The following PLEKHH1 variants were observed in gnomAD, a reference collection of about 807,000 sequenced individuals.
PLEKHH1 encodes pleckstrin homology domain-containing family H member 1.
In PLEKHH1, 104 loss-of-function variants were observed where a neutral mutation model predicts 160.0. The ratio of observed to expected loss-of-function variants is 0.65; its 90% confidence interval spans 0.55 to 0.76. The LOEUF (loss-of-function observed/expected upper bound fraction) is 0.76. Ranked by LOEUF, PLEKHH1 falls within the 30% of genes least tolerant of loss-of-function variation. The pLI is 0.00. For synonymous variants in PLEKHH1, 619 were observed against 678.4 expected (o/e 0.91, Z 1.36); for missense variants, 1,427 against 1,724.1 (o/e 0.83, Z 3.05).
chr14:67,564,692 C>CAT (rs2035006009), intron 7 of PLEKHH1, among the ~76,000 whole-genome samples: 1 of 136,764 alleles, frequency 7.3e-6, no homozygotes, highest in Non-Finnish European at 1.6e-5. Context: ...TTTTCTTTTC[C>CAT]TTTTTTTTTT....
intron 7 of PLEKHH1, among the ~76,000 whole-genome samples, chr14:67,568,519 T>C (rs529665305): frequency 4.6e-4 from 70 of 152,074 alleles, no homozygotes; most frequent in Non-Finnish European, 8.7e-4. Flanking sequence ...TGATGGGTTG[T>C]TAGGTGCAGT....
In PLEKHH1 at chr14:67,587,151, C is replaced by A; in HGVS notation, c.4011C>A (p.Pro1337=). 6.2e-7 allele frequency: 1 copy of A among 1,613,960 alleles called. No homozygotes were observed. ...TTTVNPPTNP[P]GACQLWELDG... ...CTGTGAACCCCCCCACCAACCCACCCGGAGCCTGCCAGCTGTGGGAACTGG... is the reference window on the plus strand; with the variant it reads ...CTGTGAACCCCCCCACCAACCCACCAGGAGCCTGCCAGCTGTGGGAACTGG... Residue 1337 remains proline, a synonymous_variant, in exon 29 of 29, where the codon CCC becomes CCA. Coordinates refer to ENST00000329153, the MANE Select transcript of PLEKHH1 (RefSeq NM_020715.3).
chr14:67,571,543 T>G, intron 9 of PLEKHH1: 1 of 507,136 alleles, frequency 2.0e-6, no homozygotes. Context: ...CCACAGAAGA[T>G]GGTGTGTGGG....
chr14:67,579,706 C>T lies in PLEKHH1; in HGVS notation c.3028-15C>T. 6.2e-7 allele frequency: 1 copy of T among 1,610,198 alleles called. No individual in the cohort carries two copies. Among genetic ancestry groups the T allele is most frequent in the Non-Finnish European group, 8.5e-7 (1 of 1,178,344 alleles). ...AGGAGGTTCACTCAGGGTTGGAACTCTTCTCCCGCCTCAGGTGGTTGGTTT... is the reference window on the plus strand; with the variant it reads ...AGGAGGTTCACTCAGGGTTGGAACTTTTCTCCCGCCTCAGGTGGTTGGTTT... On this transcript the variant is annotated splice_polypyrimidine_tract_variant and intron_variant, in intron 21 of 28. Coordinates refer to ENST00000329153, the MANE Select transcript of PLEKHH1 (RefSeq NM_020715.3).
Position 67,573,324 on chromosome 14 carries a change from A to G in PLEKHH1, c.1777A>G (p.Lys593Glu), listed in dbSNP as rs2035474372. Residue 593 changes from lysine to glutamate, a missense_variant, in exon 12 of 29, where the codon AAG becomes GAG. Around this residue, in one of 6 missense-constraint regions of PLEKHH1, gnomAD observed 831 missense variants for 929.2 expected, o/e 0.89. Transcript: ENST00000329153. This position sits in a 1 kb window ranked among gnomAD's most constrained non-coding sequence, Gnocchi z 4.8. ...CCTGCTGAAAATGGGGAGCCAGGTG[A>G]AGACGTGGAAGAGGCGCTGGTTTGT... ...GYLLKMGSQV[K>E]TWKRRWFVLR... 1 of 1,613,846 alleles carries G rather than the reference A, an allele frequency of 6.2e-7. No homozygotes were observed. The highest frequency in any genetic ancestry group is 8.5e-7 in the Non-Finnish European group (1 of 1,179,790).
At chr14:67,561,886 AGAATTG>A in intron 5 of PLEKHH1, 62 bp from the exon 6 acceptor site, 2 of 1,108,314 alleles carry the variant, frequency 1.8e-6, no homozygotes, top group Admixed American at 2.3e-5. Context: ...AAAAAAAAAA[AGAATTG>A]AAAAAATACA....
intron 2 of PLEKHH1, among the ~76,000 whole-genome samples, chr14:67,547,964 C>G (rs2034245639): frequency 6.6e-6 from 1 of 152,164 alleles, no homozygotes; most frequent in South Asian, 2.1e-4. Flanking sequence ...CCATGGTCAC[C>G]CAGCCTGCCT....
At chr14:67,541,581 A>C (rs1261191724) in intron 1 of PLEKHH1, among the ~76,000 whole-genome samples, 1 of 152,224 alleles carries the variant, frequency 6.6e-6, no homozygotes, top group African/African-American at 2.4e-5. Flanking sequence ...AAATGAGACT[A>C]GGTTCTCCTT....
In PLEKHH1 at chr14:67,574,825, A is replaced by G. The variant is rs1396991929; in HGVS notation, c.2088+422A>G. On this transcript the variant is annotated intron_variant, in intron 14 of 28. Transcript: ENST00000329153. This position sits in a 1 kb window ranked among gnomAD's most constrained non-coding sequence, Gnocchi z 4.2. Reference sequence around the variant, plus strand: ...TGTTAGGGCTCTTCTGGTTGAACAGAGCAGAGAAGCAGTTGTTAAACCCAA... The same window carrying G: ...TGTTAGGGCTCTTCTGGTTGAACAGGGCAGAGAAGCAGTTGTTAAACCCAA... Among the ~76,000 whole-genome samples the G allele has an allele frequency of 1.3e-5, 2 of 152,136 alleles. No homozygotes were observed. The highest frequency in any genetic ancestry group is 6.5e-5 in the Admixed American group (1 of 15,276).
chr14:67,585,404 A>G, intron 26 of PLEKHH1, 164 bp from the exon 27 acceptor site: 3 of 596,378 alleles, frequency 5.0e-6, no homozygotes, highest in Admixed American at 6.1e-5. Context: ...AGCCTTGTCT[A>G]TTTCCTGCAT....
chr14:67,534,994 T>C (rs1443013989), intron 1 of PLEKHH1, among the ~76,000 whole-genome samples: 1 of 152,202 alleles, frequency 6.6e-6, no homozygotes, highest in Non-Finnish European at 1.5e-5. Flanking sequence ...AATAAGATCA[T>C]GTAAAAGCCA....
rs374584051 is a variant in PLEKHH1 at position 67,580,938 on chromosome 14, A to T, written c.3184A>T (p.Ile1062Phe). 1 of 1,606,980 alleles carries T rather than the reference A, an allele frequency of 6.2e-7. No individual in the cohort carries two copies. The highest frequency in any genetic ancestry group is 8.5e-7 in the Non-Finnish European group (1 of 1,173,560). ...GACTTTCTTCTTTTGCCTTTTCAAG[A>T]TCTGTGATGCCATCTCCAAGTGGGA... is the stretch of plus-strand genomic sequence containing the variant. ...LEHCLQGSVK[I>F]CDAISKWEQA... Residue 1062 changes from isoleucine (I) to phenylalanine (F), a missense_variant and splice_region_variant, in exon 23 of 29, where the codon ATC becomes TTC. This residue lies in a region of PLEKHH1 where 436 missense variants were observed against 607.5 expected (regional missense o/e 0.72). Transcript: ENST00000329153.
chr14:67,555,522 G>A (rs968513034), intron 2 of PLEKHH1, among the ~76,000 whole-genome samples: 2 of 152,188 alleles, frequency 1.3e-5, no homozygotes, highest in African/African-American at 4.8e-5. Context: ...GGATGCTCAG[G>A]AAGAATGACA....
chr14:67,586,334 ATG>A (rs2036160015), intron 28 of PLEKHH1: 9 of 1,392,320 alleles, frequency 6.5e-6, no homozygotes, highest in Non-Finnish European at 8.8e-6. Context: ...AGCTACTATT[ATG>A]CTCTTCACTT....
chr14:67,569,371 A>G (rs941216966), intron 8 of PLEKHH1, among the ~76,000 whole-genome samples, 155 bp downstream of exon 8: 1 of 146,252 alleles, frequency 6.8e-6, no homozygotes, highest in Non-Finnish European at 1.5e-5. Context: ...AAATCACAGC[A>G]AGTCCCACCT....
rs973054995 is a variant in PLEKHH1 at position 67,562,563 on chromosome 14, C to A, written c.932C>A (p.Thr311Asn). Reference protein sequence around the residue: ...AREGGPGSSLTLPKVRAPGTP... With the variant: ...AREGGPGSSLNLPKVRAPGTP... ...GAAGGTGGTCCTGGCAGCAGTCTGA[C>A]CCTACCAAAGGTGCGGGCTCCTGGC... is the stretch of plus-strand genomic sequence containing the variant. Residue 311 changes from threonine to asparagine, a missense_variant, in exon 7 of 29, where the codon ACC (threonine) becomes AAC (asparagine). By Grantham distance (65) the Thr-to-Asn change is moderately conservative. Around this residue, in one of 6 missense-constraint regions of PLEKHH1, gnomAD observed 831 missense variants for 929.2 expected, o/e 0.89. Transcript: ENST00000329153. 6.2e-6 allele frequency: 10 copies of A among 1,611,782 alleles called. No homozygotes were observed. Among genetic ancestry groups the A allele is most frequent in the Middle Eastern group, 3.3e-4 (2 of 6,076 alleles).
At chr14:67,581,801 G>C in intron 23 of PLEKHH1, 1 of 400,828 alleles carries the variant, frequency 2.5e-6, no homozygotes, top group Non-Finnish European at 4.6e-6. Flanking sequence ...ATAACTCCAG[G>C]TACCAGATTT....
At chr14:67,538,382 C>G (rs1055114404) in intron 1 of PLEKHH1, among the ~76,000 whole-genome samples, 5 of 152,170 alleles carry the variant, frequency 3.3e-5, no homozygotes, top group East Asian at 1.9e-4. Context: ...TTCATTGTGA[C>G]TAATTGTGTT....
In PLEKHH1 at chr14:67,587,157, C is replaced by G. The variant is rs982008694; in HGVS notation, c.4017C>G (p.Ala1339=). The change falls in exon 29 of 29, where the codon GCC becomes GCG. Residue 1339 remains alanine (A), a synonymous_variant. Transcript: ENST00000329153. ...ACCCCCCCACCAACCCACCCGGAGC[C>G]TGCCAGCTGTGGGAACTGGATGGAC... is the stretch of plus-strand genomic sequence containing the variant. ...TVNPPTNPPG[A]CQLWELDGRQ... 1 of 1,614,008 alleles carries G rather than the reference C, an allele frequency of 6.2e-7. No individual in the cohort carries two copies. Among genetic ancestry groups the G allele is most frequent in the African/African-American group, 1.3e-5 (1 of 75,046 alleles).
Sources: gnomAD v4.1 joint callset for allele counts (sites outside exome capture counted in the v4.1 genomes callset) on GRCh38, gnomAD v4.1.1 for gene constraint, gnomAD v4.1.1 regional missense constraint, Gnocchi (gnomAD v3.1) non-coding constraint, MANE v1.5 for transcripts, NCBI Gene and HGNC (gene_info 2026-07-23, HGNC 2026-07-21) for gene names.